Variants in ZNF600 observed in about 807,000 individuals in gnomAD.
ZNF600 encodes the protein zinc finger protein 600.
ZNF600 carries 4 observed loss-of-function variants against 7.3 expected under a neutral mutation model. That is an observed-to-expected ratio of 0.55 (90% CI 0.27 to 1.25). The LOEUF (loss-of-function observed/expected upper bound fraction) is 1.25. Among genes scored for constraint, ZNF600 ranks in the 50% most tolerant of loss-of-function variants. The pLI, the probability that ZNF600 is intolerant of heterozygous loss-of-function variation, is 0.12. For synonymous variants in ZNF600, 290 were observed against 308.9 expected (o/e 0.94, Z 0.64); for missense variants, 911 against 922.1 (o/e 0.99, Z 0.16).
the ZNF600 span, among the ~76,000 whole-genome samples, chr19:52,794,481 T>G: frequency 6.6e-6 from 1 of 152,128 alleles, no homozygotes. Flanking sequence ...AGCTCCGAGT[T>G]GAGTCAGAAG....
chr19:52,819,395 T>C, the ZNF600 span, among the ~76,000 whole-genome samples: 5 of 81,180 alleles, frequency 6.2e-5, 2 homozygotes, highest in African/African-American at 1.8e-4. Context: ...TTCCATTCTA[T>C]TGCTTTTTTT....
the ZNF600 span, chr19:52,800,015 A>T: frequency 6.2e-7 from 1 of 1,614,136 alleles, no homozygotes; most frequent in Middle Eastern, 1.6e-4. Context: ...TGCCACACTC[A>T]TTACACTTGT....
intron 3 of ZNF600, among the ~76,000 whole-genome samples, chr19:52,769,045 A>G (rs546437922): frequency 1.3e-5 from 2 of 152,182 alleles, no homozygotes; most frequent in African/African-American, 2.4e-5. Context: ...CCACCAGAGG[A>G]CTCCTTGGTC....
the ZNF600 span, chr19:52,800,006 G>A: frequency 6.2e-7 from 1 of 1,614,150 alleles, no homozygotes; most frequent in Non-Finnish European, 8.5e-7. Context: ...GGAAGGTCTT[G>A]CCACACTCAT....
At chr19:52,809,404 C>T in the ZNF600 span, among the ~76,000 whole-genome samples, 1 of 151,786 alleles carries the variant, frequency 6.6e-6, no homozygotes, top group Non-Finnish European at 1.5e-5. Context: ...AAATTCACAA[C>T]TAGCAGGATG....
chr19:52,785,694 C>T (rs905296678), intron 1 of ZNF600, among the ~76,000 whole-genome samples: 3 of 152,166 alleles, frequency 2.0e-5, no homozygotes, highest in Non-Finnish European at 2.9e-5. Context: ...TGTCCCCACT[C>T]TCCAGCACCT....
At chr19:52,807,275 T>A in the ZNF600 span, among the ~76,000 whole-genome samples, 1 of 152,174 alleles carries the variant, frequency 6.6e-6, no homozygotes, top group Admixed American at 6.5e-5. Flanking sequence ...CCTATGTTTC[T>A]GTAGGAAAGA....
chr19:52,784,755 G>T (rs916859710), intron 1 of ZNF600, among the ~76,000 whole-genome samples: 3 of 152,124 alleles, frequency 2.0e-5, no homozygotes, highest in Non-Finnish European at 2.9e-5. Context: ...TTGAGACAGG[G>T]TCTTGCTCTT....
the ZNF600 span, among the ~76,000 whole-genome samples, chr19:52,831,563 T>C: frequency 1.3e-5 from 2 of 151,864 alleles, no homozygotes; most frequent in Middle Eastern, 6.3e-3. Flanking sequence ...AGTGCAATGG[T>C]GCGATCTCGG....
upstream of ZNF600, among the ~76,000 whole-genome samples, chr19:52,791,496 C>G (rs958033871): frequency 6.6e-6 from 1 of 152,212 alleles, no homozygotes; most frequent in Admixed American, 6.5e-5. Flanking sequence ...TATCACTTCA[C>G]CTGAGGAAGA....
intron 1 of ZNF600, among the ~76,000 whole-genome samples, chr19:52,780,111 T>TA (rs60519556): frequency 0.031 from 4,657 of 152,276 alleles, 232 homozygotes; most frequent in African/African-American, 0.1. Flanking sequence ...TGCCTTTGTT[T>TA]AAAGTTCTCC....
the ZNF600 span, among the ~76,000 whole-genome samples, chr19:52,808,547 T>C: frequency 1.3e-5 from 2 of 151,884 alleles, no homozygotes; most frequent in East Asian, 1.9e-4. Context: ...TGAGGCAGAA[T>C]TGCCTGATCC....
the ZNF600 span, among the ~76,000 whole-genome samples, chr19:52,830,245 G>T: frequency 6.6e-6 from 1 of 152,050 alleles, no homozygotes; most frequent in African/African-American, 2.4e-5. Flanking sequence ...GCAGTCCAGC[G>T]TGGGCAACAA....
At chr19:52,792,622 C>T in the ZNF600 span, among the ~76,000 whole-genome samples, 1 of 152,140 alleles carries the variant, frequency 6.6e-6, no homozygotes, top group African/African-American at 2.4e-5. Flanking sequence ...CCTGGAAGCA[C>T]CCTCGCTGCT....
At chr19:52,810,591 C>G in the ZNF600 span, 1 of 1,571,090 alleles carries the variant, frequency 6.4e-7, no homozygotes, top group Non-Finnish European at 8.7e-7. Context: ...CGCTACCGCG[C>G]CCGACCACCA....
chr19:52,777,285 A>G (rs2062683803), intron 2 of ZNF600, among the ~76,000 whole-genome samples: 1 of 151,838 alleles, frequency 6.6e-6, no homozygotes, highest in Non-Finnish European at 1.5e-5. Flanking sequence ...GGCTGAGGCA[A>G]AAGAATTGCT....
chr19:52,810,144 G>C, the ZNF600 span: 1 of 907,734 alleles, frequency 1.1e-6, no homozygotes, highest in East Asian at 2.4e-5. Context: ...GGGTGACCCG[G>C]GGCTGGAAGC....
At chr19:52,765,190 G>A in exon 4 of ZNF600, 1 of 473,342 alleles carries the variant, frequency 2.1e-6, no homozygotes, top group Non-Finnish European at 4.2e-6. Flanking sequence ...TCTCAAAAAT[G>A]AATTTTCTGA....
At chr19:52,811,645 C>T in the ZNF600 span, among the ~76,000 whole-genome samples, 72 of 147,294 alleles carry the variant, frequency 4.9e-4, 1 homozygote, top group African/African-American at 1.7e-3. Context: ...GTGAGGAAAC[C>T]CTCTGCCTGG....
Sources: allele counts gnomAD v4.1 joint callset (sites outside exome capture counted in the v4.1 genomes callset), GRCh38; gene constraint gnomAD v4.1.1; transcripts MANE v1.5; gene names NCBI Gene and HGNC (gene_info 2026-07-23, HGNC 2026-07-21).